Variants in SDK1 observed in about 807,000 individuals in gnomAD.
SDK1 encodes protein sidekick-1.
SDK1 carries 157 observed loss-of-function variants against 245.5 expected under a neutral mutation model. The ratio of observed to expected loss-of-function variants is 0.64; its 90% confidence interval spans 0.56 to 0.73. The LOEUF is 0.73. SDK1 is among the 30% of genes least tolerant of loss of function. The pLI, the probability that SDK1 is intolerant of heterozygous loss-of-function variation, is 0.00. For missense variants in SDK1, 3,583 were observed against 3,002.3 expected, an observed-to-expected ratio of 1.19 and a Z score of -4.52; for synonymous variants, 1,647 against 1,278.5, an observed-to-expected ratio of 1.29 and a Z score of -6.15.
chr7:4,091,207 T>A (rs145990217), intron 22 of SDK1, among the ~76,000 whole-genome samples: 64 of 152,308 alleles, frequency 4.2e-4, no homozygotes, highest in African/African-American at 1.4e-3. Context: ...ATACTTGTTA[T>A]ATGTCCAGCA....
chr7:3,565,444 A>C (rs577215675), intron 1 of SDK1, among the ~76,000 whole-genome samples: 2 of 152,320 alleles, frequency 1.3e-5, no homozygotes, highest in African/African-American at 4.8e-5. Context: ...TGTCCTGATC[A>C]GTGCTATCCA....
chr7:4,054,046 C>G (rs1779049155), intron 19 of SDK1, among the ~76,000 whole-genome samples: 1 of 152,042 alleles, frequency 6.6e-6, no homozygotes, highest in African/African-American at 2.4e-5. Context: ...TCAAGCAATT[C>G]TCCTGCCTTG....
At chr7:3,509,490 TA>T (rs1403671177) in intron 1 of SDK1, among the ~76,000 whole-genome samples, 2 of 152,226 alleles carry the variant, frequency 1.3e-5, no homozygotes, top group Non-Finnish European at 2.9e-5. Context: ...TGGCACGTGA[TA>T]ATTGCTATGT....
At chr7:3,398,229 T>A (rs1778778016) in intron 1 of SDK1, among the ~76,000 whole-genome samples, 1 of 152,140 alleles carries the variant, frequency 6.6e-6, no homozygotes, top group Admixed American at 6.6e-5. Context: ...TCCCTAGAAA[T>A]ACCGCCTTAA....
intron 25 of SDK1, among the ~76,000 whole-genome samples, chr7:4,120,896 A>G (rs1432212528): frequency 1.3e-5 from 2 of 151,780 alleles, no homozygotes; most frequent in Non-Finnish European, 2.9e-5. Flanking sequence ...GATTACAGGC[A>G]TAAGCCACCA....
chr7:3,576,031 A>G (rs1780277235), intron 1 of SDK1, among the ~76,000 whole-genome samples: 1 of 152,068 alleles, frequency 6.6e-6, no homozygotes, highest in South Asian at 2.1e-4. Flanking sequence ...TCAAAAGGTA[A>G]AGAAACAAGA....
intron 1 of SDK1, among the ~76,000 whole-genome samples, chr7:3,364,720 C>T (rs957326156): frequency 1.3e-5 from 2 of 151,968 alleles, no homozygotes; most frequent in African/African-American, 4.8e-5. Flanking sequence ...GATGATTGCC[C>T]CTTTATTTTC....
chr7:4,011,993 G>A, intron 15 of SDK1, 102 bp from the exon 16 acceptor site: 1 of 1,070,154 alleles, frequency 9.3e-7, no homozygotes, highest in South Asian at 3.2e-5. Flanking sequence ...CGATTTTTGT[G>A]AATAGTCAGG....
chr7:3,766,384 A>G (rs570006478), intron 4 of SDK1, among the ~76,000 whole-genome samples: 82 of 152,316 alleles, frequency 5.4e-4, no homozygotes, highest in African/African-American at 1.5e-3. Flanking sequence ...AAGCAGAATG[A>G]TAACTAAAAA....
intron 9 of SDK1, among the ~76,000 whole-genome samples, chr7:3,963,761 A>T (rs2128130303): frequency 6.7e-6 from 1 of 149,810 alleles, no homozygotes; most frequent in African/African-American, 2.5e-5. Context: ...TCTGGATGTA[A>T]CCAGTGGGTA....
At chr7:3,612,854 C>G (rs1342179314) in intron 1 of SDK1, among the ~76,000 whole-genome samples, 3 of 152,180 alleles carry the variant, frequency 2.0e-5, no homozygotes, top group Non-Finnish European at 4.4e-5. Flanking sequence ...TGGCTTAATA[C>G]AGCTCATCGT....
intron 22 of SDK1, among the ~76,000 whole-genome samples, chr7:4,104,472 A>G (rs1278307287): frequency 1.3e-5 from 2 of 152,324 alleles, no homozygotes; most frequent in East Asian, 3.9e-4. Flanking sequence ...ATGCTACCTC[A>G]TAGAAGATTG....
At chr7:4,102,486 G>A (rs887833908) in intron 22 of SDK1, among the ~76,000 whole-genome samples, 1 of 152,112 alleles carries the variant, frequency 6.6e-6, no homozygotes, top group Non-Finnish European at 1.5e-5. Flanking sequence ...GGATGGAGGG[G>A]GGCCACCTCC....
At chr7:4,170,180 C>G (rs372755461) in intron 32 of SDK1, among the ~76,000 whole-genome samples, 6 of 152,116 alleles carry the variant, frequency 3.9e-5, no homozygotes, top group Non-Finnish European at 8.8e-5. Flanking sequence ...CAGCTGTGGC[C>G]CATGAGATAA....
chr7:3,776,132 T>A (rs1455702683), intron 4 of SDK1, among the ~76,000 whole-genome samples: 1 of 152,262 alleles, frequency 6.6e-6, no homozygotes, highest in Non-Finnish European at 1.5e-5. Flanking sequence ...GTGTGATCAG[T>A]AACTATCTGT....
At chr7:4,135,493 G>A (rs757807688) in intron 28 of SDK1, among the ~76,000 whole-genome samples, 5 of 152,246 alleles carry the variant, frequency 3.3e-5, no homozygotes, top group East Asian at 1.9e-4. Context: ...AGCAGCTGTC[G>A]TCTGCACAAG....
chr7:4,129,917 C>T lies in SDK1; in HGVS notation c.3949C>T (p.Arg1317Trp), dbSNP rs141129883. 5.4e-4 allele frequency: 869 copies of T among 1,613,632 alleles called. No individual in the cohort carries two copies. Among genetic ancestry groups the T allele is most frequent in the Non-Finnish European group, 6.4e-4 (755 of 1,179,892 alleles). Reference protein sequence around the residue: ...GLILGYKILFRAKDLDPEPRS... With the variant: ...GLILGYKILFWAKDLDPEPRS... ...TGTGTCGATACCACAGATCCTGTTC[C>T]GGGCCAAAGACCTGGATCCCGAGCC... Residue 1317 changes from arginine to tryptophan, a missense_variant, in exon 27 of 45, where the codon CGG becomes TGG. Physicochemically the swap from Arg to Trp is moderately radical, Grantham distance 101. Transcript: ENST00000404826.
chr7:3,644,821 G>A (rs976677658), intron 4 of SDK1, among the ~76,000 whole-genome samples: 27 of 149,552 alleles, frequency 1.8e-4, no homozygotes, highest in Non-Finnish European at 3.9e-4. Context: ...GCGGGGCAGG[G>A]GGTGGCAGGC....
rs999655337 is a variant in SDK1, at chr7:4,216,823, T to C, written c.5540-3286T>C. Among the ~76,000 whole-genome samples, 35 of 152,286 alleles carry C rather than the reference T, an allele frequency of 2.3e-4. 1 individual carries two copies. The highest frequency in any genetic ancestry group is 8.2e-4 in the African/African-American group (34 of 41,558). On this transcript the variant is annotated intron_variant, in intron 38 of 44. Coordinates refer to ENST00000404826, the MANE Select transcript of SDK1 (RefSeq NM_152744.4). ...TAGAGGGTACAGCATTTACCCGGTA[T>C]GGGCAGCTCCTCTAGTCACTCCACT...
Sources: gnomAD v4.1 joint callset for allele counts (sites outside exome capture counted in the v4.1 genomes callset) on GRCh38, gnomAD v4.1.1 for gene constraint, MANE v1.5 for transcripts, NCBI Gene and HGNC (gene_info 2026-07-23, HGNC 2026-07-21) for gene names.